Variants in DLGAP2 observed in about 807,000 individuals in gnomAD.
DLGAP2 encodes the protein disks large-associated protein 2.
In DLGAP2, 26 loss-of-function variants were observed where a neutral mutation model predicts 100.3. The ratio of observed to expected loss-of-function variants is 0.26; its 90% CI spans 0.19 to 0.36. The LOEUF is 0.36. DLGAP2 is among the 10% of genes least tolerant of loss of function. The probability of loss-of-function intolerance (pLI) is 1.00; values close to 1 mark genes in which losing one functional copy is unlikely to be tolerated. For synonymous variants in DLGAP2, 886 were observed against 630.1 expected (o/e 1.41, Z -6.08); for missense variants, 1,858 against 1,453.2 (o/e 1.28, Z -4.53).
chr8:1,489,666 C>A (rs527869203), intron 3 of DLGAP2, among the ~76,000 whole-genome samples: 1 of 152,312 alleles, frequency 6.6e-6, no homozygotes, highest in South Asian at 2.1e-4. Flanking sequence ...GGCCATAATT[C>A]CGCTCATCAG....
chr8:1,205,384 C>G (rs1585150811), intron 2 of DLGAP2, among the ~76,000 whole-genome samples: 1 of 151,054 alleles, frequency 6.6e-6, no homozygotes, highest in Non-Finnish European at 1.5e-5. Context: ...CAGGCTCTTC[C>G]TGAAAAGGCT....
intron 3 of DLGAP2, among the ~76,000 whole-genome samples, chr8:1,456,020 C>T (rs1001471241): frequency 6.6e-6 from 1 of 152,178 alleles, no homozygotes; most frequent in Non-Finnish European, 1.5e-5. Flanking sequence ...CACACCAGCC[C>T]GATGGCCGCT....
chr8:1,522,144 G>T (rs978960213), intron 4 of DLGAP2, among the ~76,000 whole-genome samples: 19 of 152,180 alleles, frequency 1.2e-4, no homozygotes, highest in Non-Finnish European at 2.9e-5. Flanking sequence ...CACGTGGTGT[G>T]GAGCATCTTT....
At chr8:1,374,098 T>TACA (rs1802327122) in intron 3 of DLGAP2, among the ~76,000 whole-genome samples, 4 of 151,340 alleles carry the variant, frequency 2.6e-5, no homozygotes, top group South Asian at 2.1e-4. Context: ...AGGTTAGGTT[T>TACA]GCAGAGGACT....
intron 2 of DLGAP2, among the ~76,000 whole-genome samples, chr8:1,107,361 C>T (rs767340035): frequency 2.6e-5 from 4 of 152,148 alleles, no homozygotes; most frequent in African/African-American, 4.8e-5. Context: ...GCTGAGCCCC[C>T]GCACCCGGGC....
rs184006669 is a variant in DLGAP2, at chr8:898,029, C to A, written c.19-9883C>A. Among the ~76,000 whole-genome samples the A allele has an allele frequency of 5.2e-3, 759 of 146,178 alleles. 3 individuals carry two copies. The highest frequency in any genetic ancestry group is 7.4e-3 in the Non-Finnish European group (483 of 65,214). On this transcript the variant is annotated intron_variant, in intron 1 of 14. Coordinates refer to ENST00000637795, the MANE Select transcript of DLGAP2 (RefSeq NM_001346810.2). The stretch of plus-strand genomic sequence containing the variant: ...GGAGTGAGCTCCCGCCACGTGTGAC[C>A]CTGACCTGCAGTAAGTGGGTTGGAA...
chr8:1,599,401 G>A (rs1796555868), intron 6 of DLGAP2, among the ~76,000 whole-genome samples: 1 of 152,080 alleles, frequency 6.6e-6, no homozygotes, highest in African/African-American at 2.4e-5. Context: ...GAGCTGAATT[G>A]AAGTCCTGAA....
At chr8:1,162,134 C>T (rs903358324) in intron 2 of DLGAP2, among the ~76,000 whole-genome samples, 9 of 152,322 alleles carry the variant, frequency 5.9e-5, no homozygotes, top group Admixed American at 6.5e-5. Context: ...CAGGAGGCTA[C>T]GGAGGCAGGA....
intron 2 of DLGAP2, among the ~76,000 whole-genome samples, chr8:998,149 AACACACAT>A (rs1800840353): frequency 6.6e-6 from 1 of 152,160 alleles, no homozygotes; most frequent in Non-Finnish European, 1.5e-5. Context: ...GTGCATACAC[AACACACAT>A]ACACACATGT....
At chr8:1,420,830 T>C (rs558517928) in intron 3 of DLGAP2, among the ~76,000 whole-genome samples, 258 of 152,272 alleles carry the variant, frequency 1.7e-3, no homozygotes, top group African/African-American at 5.8e-3. Flanking sequence ...GACCTATTGG[T>C]GCCATTTCAG....
At chr8:1,306,072 GGCAAA>G (rs1800483091) in intron 3 of DLGAP2, among the ~76,000 whole-genome samples, 1 of 52,334 alleles carries the variant, frequency 1.9e-5, no homozygotes, top group African/African-American at 9.1e-5. Context: ...AGAGAAATTA[GGCAAA>G]AAAAAAAAAA....
At chr8:1,498,060 G>C (rs1799601633) in intron 3 of DLGAP2, among the ~76,000 whole-genome samples, 1 of 152,146 alleles carries the variant, frequency 6.6e-6, no homozygotes, top group Admixed American at 6.5e-5. Flanking sequence ...TGGAAAGGCA[G>C]GACAACTGGA....
At chr8:828,427 T>G (rs1442040594) in intron 1 of DLGAP2, among the ~76,000 whole-genome samples, 3 of 152,224 alleles carry the variant, frequency 2.0e-5, no homozygotes, top group Non-Finnish European at 4.4e-5. Context: ...CATTTGCTTT[T>G]GAAAGAAGAG....
intron 2 of DLGAP2, among the ~76,000 whole-genome samples, chr8:1,005,111 G>A (rs1412558854): frequency 2.0e-5 from 3 of 152,216 alleles, no homozygotes; most frequent in Non-Finnish European, 4.4e-5. Flanking sequence ...TATTTCCAAA[G>A]AAAAGATCGA....
intron 3 of DLGAP2, among the ~76,000 whole-genome samples, chr8:1,295,086 A>G (rs989384404): frequency 1.3e-5 from 2 of 152,130 alleles, no homozygotes; most frequent in Non-Finnish European, 2.9e-5. Context: ...CAAACAGGAA[A>G]TCTACTACCA....
chr8:1,197,181 C>T (rs998355522), intron 2 of DLGAP2, among the ~76,000 whole-genome samples: 1 of 152,242 alleles, frequency 6.6e-6, no homozygotes, highest in Non-Finnish European at 1.5e-5. Flanking sequence ...CCGTCACAGA[C>T]ACACACGGAA....
intron 3 of DLGAP2, among the ~76,000 whole-genome samples, chr8:1,469,485 T>C (rs1798719566): frequency 6.6e-6 from 1 of 152,362 alleles, no homozygotes; most frequent in Non-Finnish European, 1.5e-5. Flanking sequence ...GAGAGGTTTC[T>C]TCGGAAGCTA....
At chr8:1,264,921 T>G (rs1244964019) in intron 3 of DLGAP2, among the ~76,000 whole-genome samples, 1 of 152,164 alleles carries the variant, frequency 6.6e-6, no homozygotes, top group Non-Finnish European at 1.5e-5. Flanking sequence ...GATGGTTTCA[T>G]AAAGGGCAGT....
At chr8:1,349,862 C>G (rs1424964979) in intron 3 of DLGAP2, among the ~76,000 whole-genome samples, 5 of 152,210 alleles carry the variant, frequency 3.3e-5, no homozygotes, top group Non-Finnish European at 7.3e-5. Flanking sequence ...AATTCTGTAC[C>G]TCAGTTACAT....
Sources: allele counts gnomAD v4.1 joint callset (sites outside exome capture counted in the v4.1 genomes callset), GRCh38; gene constraint gnomAD v4.1.1; transcripts MANE v1.5; gene names NCBI Gene and HGNC (gene_info 2026-07-23, HGNC 2026-07-21).